The following OSBPL5 variants were observed in gnomAD, a reference collection of about 807,000 sequenced individuals.
OSBPL5 encodes oxysterol-binding protein-related protein 5.
OSBPL5 carries 71 observed loss-of-function variants against 111.2 expected under a neutral mutation model. The ratio of observed to expected loss-of-function variants is 0.64; its 90% confidence interval spans 0.53 to 0.78. The LOEUF (loss-of-function observed/expected upper bound fraction) is 0.78, where lower values mean the gene tolerates loss of function less well. Among genes scored for constraint, OSBPL5 ranks in the 30% least tolerant of loss-of-function variants. The pLI, the probability that OSBPL5 is intolerant of heterozygous loss-of-function variation, is 0.00. For synonymous variants in OSBPL5, 549 were observed against 513.9 expected (o/e 1.07, Z -0.93); for missense variants, 1,210 against 1,189.3 (o/e 1.02, Z -0.26).
intron 3 of OSBPL5, among the ~76,000 whole-genome samples, chr11:3,122,726 G>A (rs903526446): frequency 6.6e-6 from 1 of 152,228 alleles, no homozygotes; most frequent in Non-Finnish European, 1.5e-5. Context: ...GGAGGGAAAT[G>A]TGGGGACATC....
At position 3,126,848 on chromosome 11, in the gene OSBPL5, C is replaced by T. The variant is rs1057303795; in HGVS notation, c.137-293G>A. Among the ~76,000 whole-genome samples the T allele has an allele frequency of 1.3e-5, 2 of 152,182 alleles. No individual in the cohort carries two copies. Among genetic ancestry groups the T allele is most frequent in the Admixed American group, 1.3e-4 (2 of 15,282 alleles). On this transcript the variant is annotated intron_variant, in intron 2 of 21. Coordinates refer to ENST00000263650, the MANE Select transcript of OSBPL5 (RefSeq NM_020896.4). The surrounding 1 kb of genome is among the most constrained non-coding windows in gnomAD (Gnocchi z 6.5). Reference sequence around the variant, plus strand: ...GGCATCCTGGGCCTGCTGTAGTGTGCAATTGGGGGTCTGTGAAGGCCAGAG... The same window carrying T: ...GGCATCCTGGGCCTGCTGTAGTGTGTAATTGGGGGTCTGTGAAGGCCAGAG...
At chr11:3,158,647 C>T (rs555464672) in intron 1 of OSBPL5, among the ~76,000 whole-genome samples, 2 of 152,362 alleles carry the variant, frequency 1.3e-5, no homozygotes, top group African/African-American at 2.4e-5. Context: ...GTCAGTGACA[C>T]ATGAGGCCTC....
In OSBPL5 at chr11:3,121,924, G is replaced by T; in HGVS notation, c.402+73C>A. On this transcript the variant is annotated intron_variant, in intron 5 of 21. Transcript: ENST00000263650. The surrounding 1 kb of genome is among the most constrained non-coding windows in gnomAD (Gnocchi z 4.3). Reference sequence around the variant, plus strand: ...AATTTCCATCGTTTCAGGCCACCTGGTTTATGGTCCTTTGTTATGGCAGCA... The same window carrying T: ...AATTTCCATCGTTTCAGGCCACCTGTTTTATGGTCCTTTGTTATGGCAGCA... The T allele has an allele frequency of 2.2e-6, 3 of 1,369,406 alleles. No homozygotes were observed. The highest frequency in any genetic ancestry group is 3.0e-6 in the Non-Finnish European group (3 of 996,082). The allele number at this position is 1,369,406 out of a possible 1,614,324, so 84.8% of individuals were successfully genotyped here.
At chr11:3,123,465 T>C (rs1858493688) in intron 3 of OSBPL5, among the ~76,000 whole-genome samples, 1 of 152,260 alleles carries the variant, frequency 6.6e-6, no homozygotes, top group Non-Finnish European at 1.5e-5. Context: ...CGGCAGGCGT[T>C]GTCTGTGGCT....
intron 1 of OSBPL5, among the ~76,000 whole-genome samples, chr11:3,149,867 G>A (rs1031527695): frequency 2.6e-5 from 4 of 152,192 alleles, no homozygotes; most frequent in African/African-American, 7.2e-5. Context: ...TGACATGCAC[G>A]AGTGTGATGG....
intron 7 of OSBPL5, among the ~76,000 whole-genome samples, chr11:3,114,591 A>AAT (rs774192603): frequency 8.8e-5 from 10 of 113,900 alleles, no homozygotes; most frequent in African/African-American, 3.5e-4. Flanking sequence ...TAGAACAATG[A>AAT]TTTTTTTTTT....
intron 15 of OSBPL5, 92 bp downstream of exon 15, chr11:3,094,145 C>A (rs1489768220): frequency 2.3e-6 from 3 of 1,279,252 alleles, no homozygotes; most frequent in Non-Finnish European, 3.3e-6. Context: ...CCTTGGGGAA[C>A]CTTCCTTGGG....
chr11:3,093,713 C>T (rs377438713), intron 16 of OSBPL5, 33 bp downstream of exon 16: 281 of 1,612,438 alleles, frequency 1.7e-4, no homozygotes, highest in Admixed American at 2.8e-4. Flanking sequence ...GTTGACCGCC[C>T]GGCCGTGCCT....
At chr11:3,147,331 T>G (rs1846389862) in intron 1 of OSBPL5, among the ~76,000 whole-genome samples, 1 of 152,204 alleles carries the variant, frequency 6.6e-6, no homozygotes, top group Non-Finnish European at 1.5e-5. Context: ...GGGCTTGCCA[T>G]GGGCCTGGGC....
Position 3,107,499 on chromosome 11 carries a change from G to A in OSBPL5, c.867-44C>T. Reference sequence around the variant, plus strand: ...CAGTGGGTCCCTGTCACAGGTGAGAGCCCAGCACAGCCCTCTGGGCTGCCC... The same window carrying A: ...CAGTGGGTCCCTGTCACAGGTGAGAACCCAGCACAGCCCTCTGGGCTGCCC... On this transcript the variant is annotated intron_variant, in intron 8 of 21. Coordinates refer to ENST00000263650, the MANE Select transcript of OSBPL5 (RefSeq NM_020896.4). The surrounding 1 kb of genome is among the most constrained non-coding windows in gnomAD (Gnocchi z 6.1). 6.3e-7 allele frequency: 1 copy of A among 1,598,732 alleles called. No individual in the cohort carries two copies.
rs1846078212 is a variant in OSBPL5 at position 3,140,584 on chromosome 11, G to C, written c.-21-11415C>G. On this transcript the variant is annotated intron_variant, in intron 1 of 21. Transcript: ENST00000263650. This position sits in a 1 kb window ranked among gnomAD's most constrained non-coding sequence, Gnocchi z 4.5. ...CCGAGGGAAGCCAGGACCCCAGGCA[G>C]TGCCCTCTGTCCACCCAAGTACATG... is the stretch of plus-strand genomic sequence containing the variant. Among the ~76,000 whole-genome samples the C allele has an allele frequency of 6.6e-6, 1 of 152,146 alleles. No homozygotes were observed. Among genetic ancestry groups the C allele is most frequent in the African/African-American group, 2.4e-5 (1 of 41,430 alleles).
rs4758525 is a variant in OSBPL5, at chr11:3,104,489, T to C, written c.1060-112A>G. The C allele has an allele frequency of 0.73, 870,414 of 1,189,230 alleles. 326,277 individuals carry two copies. The highest frequency in any genetic ancestry group is 0.8 in the Admixed American group (29,626 of 36,954). 73.7% of individuals were successfully genotyped at this position (1,189,230 alleles called of 1,614,324 possible). A position where few individuals can be genotyped will look rare whatever the true frequency, so the allele number is the denominator to read the frequency against. ...GCTGTACCTGCCACCCCTTAGGGTG[T>C]AAACCCCTGACCTGGCCTCCATGGC... On this transcript the variant is annotated intron_variant, in intron 9 of 21. Coordinates refer to ENST00000263650, the MANE Select transcript of OSBPL5 (RefSeq NM_020896.4). The surrounding 1 kb of genome is among the most constrained non-coding windows in gnomAD (Gnocchi z 5.0).
chr11:3,125,569 G>A (rs1286359438), intron 3 of OSBPL5, among the ~76,000 whole-genome samples: 2 of 152,226 alleles, frequency 1.3e-5, no homozygotes, highest in Non-Finnish European at 2.9e-5. Flanking sequence ...ACTTTGGGAG[G>A]CCGAGGCGGG....
At position 3,099,941 on chromosome 11, in the gene OSBPL5, G is replaced by C. The variant is rs570982173; in HGVS notation, c.1621+217C>G. Among the ~76,000 whole-genome samples the C allele has an allele frequency of 4.2e-4, 62 of 147,858 alleles. No homozygotes were observed. In the South Asian group the frequency reaches 0.013, roughly 30 times the overall value. On this transcript the variant is annotated intron_variant, in intron 14 of 21. Coordinates refer to ENST00000263650, the MANE Select transcript of OSBPL5 (RefSeq NM_020896.4). ...AAATTAGCCAGGCGTGGTGGCGCATGCCTGTAATCCCAGCTACTTGGAGCC... is the reference window on the plus strand; with the variant it reads ...AAATTAGCCAGGCGTGGTGGCGCATCCCTGTAATCCCAGCTACTTGGAGCC...
In OSBPL5 at chr11:3,136,950, C is replaced by G. The variant is rs1051766697; in HGVS notation, c.-21-7781G>C. On this transcript the variant is annotated intron_variant, in intron 1 of 21. Coordinates refer to ENST00000263650, the MANE Select transcript of OSBPL5 (RefSeq NM_020896.4). ...TTCAAGACTGTGGAGGGGAAATGCT[C>G]TAAAATCACAAGGATAAAGGAACAT... Among the ~76,000 whole-genome samples, 14 of 152,362 alleles carry G rather than the reference C, an allele frequency of 9.2e-5. 1 individual carries two copies. Among genetic ancestry groups the G allele is most frequent in the Admixed American group, 4.6e-4 (7 of 15,308 alleles).
At chr11:3,120,674 C>G in intron 5 of OSBPL5, 50 bp from the exon 6 acceptor site, 1 of 1,592,886 alleles carries the variant, frequency 6.3e-7, no homozygotes. Flanking sequence ...GCCGCCATCC[C>G]TGGGGCATCT....
Position 3,107,954 on chromosome 11 carries a change from C to T in OSBPL5, c.692-9G>A. Reference sequence around the variant, plus strand: ...GTCCAGCCAGCAGCGACCTGCGGGGCACACGGGATGAGCATGCCCCACCCC... The same window carrying T: ...GTCCAGCCAGCAGCGACCTGCGGGGTACACGGGATGAGCATGCCCCACCCC... On this transcript the variant is annotated splice_polypyrimidine_tract_variant and intron_variant, in intron 7 of 21. Coordinates refer to ENST00000263650, the MANE Select transcript of OSBPL5 (RefSeq NM_020896.4). The surrounding 1 kb of genome is among the most constrained non-coding windows in gnomAD (Gnocchi z 6.1). 1.3e-6 allele frequency: 2 copies of T among 1,586,692 alleles called. No individual in the cohort carries two copies. Among genetic ancestry groups the T allele is most frequent in the Non-Finnish European group, 1.7e-6 (2 of 1,176,344 alleles).
In OSBPL5 at chr11:3,106,966, C is replaced by T. The variant is rs752663647; in HGVS notation, c.1059+297G>A. On this transcript the variant is annotated intron_variant, in intron 9 of 21. Transcript: ENST00000263650. The surrounding 1 kb of genome is among the most constrained non-coding windows in gnomAD (Gnocchi z 8.4). ...AAGGGCCCCTCTTGAGCCTCCTGTT[C>T]TCCCATCAGCGCATTCCAGCCCAAG... 2.6e-5 allele frequency among the ~76,000 whole-genome samples: 4 copies of T among 152,228 alleles called. No individual in the cohort carries two copies. Among genetic ancestry groups the T allele is most frequent in the Non-Finnish European group, 4.4e-5 (3 of 68,042 alleles).
chr11:3,109,361 C>T lies in OSBPL5; in HGVS notation c.692-1416G>A, dbSNP rs1467514850. Among the ~76,000 whole-genome samples, 1 of 152,170 alleles carries T rather than the reference C, an allele frequency of 6.6e-6. No individual in the cohort carries two copies. Among genetic ancestry groups the T allele is most frequent in the African/African-American group, 2.4e-5 (1 of 41,424 alleles). ...AAAGTGCTGGGATTACAGGTGTGAGCCACTGTGCCTGGGCTGTTAGTAAGT... is the reference window on the plus strand; with the variant it reads ...AAAGTGCTGGGATTACAGGTGTGAGTCACTGTGCCTGGGCTGTTAGTAAGT... On this transcript the variant is annotated intron_variant, in intron 7 of 21. Coordinates refer to ENST00000263650, the MANE Select transcript of OSBPL5 (RefSeq NM_020896.4). The surrounding 1 kb of genome is among the most constrained non-coding windows in gnomAD (Gnocchi z 7.4).
Sources: allele counts gnomAD v4.1 joint callset (sites outside exome capture counted in the v4.1 genomes callset), GRCh38; gene constraint gnomAD v4.1.1; non-coding constraint Gnocchi (gnomAD v3.1); transcripts MANE v1.5; gene names NCBI Gene and HGNC (gene_info 2026-07-23, HGNC 2026-07-21).